ANKS1B: variants seen among roughly 807,000 people sequenced by gnomAD.
ANKS1B encodes the protein ankyrin repeat and sterile alpha motif domain-containing protein 1B.
Under a neutral mutation model 148.3 loss-of-function variants are expected in ANKS1B, and 36 were observed. The ratio of observed to expected loss-of-function variants is 0.24; its 90% confidence interval spans 0.19 to 0.32. The LOEUF is 0.32. Ranked by LOEUF, ANKS1B falls within the 10% of genes least tolerant of loss-of-function variation. The pLI, the probability that ANKS1B is intolerant of heterozygous loss-of-function variation, is 1.00. For missense variants in ANKS1B, 1,157 were observed against 1,542.6 expected, an observed-to-expected ratio of 0.75 and a Z score of 4.19; for synonymous variants, 542 against 560.8, an observed-to-expected ratio of 0.97 and a Z score of 0.47.
At chr12:99,630,849 G>C (rs1218388136) in intron 9 of ANKS1B, among the ~76,000 whole-genome samples, 1 of 152,126 alleles carries the variant, frequency 6.6e-6, no homozygotes, top group Non-Finnish European at 1.5e-5. Flanking sequence ...GATATGTTTG[G>C]CTGTCTCTCC....
chr12:99,822,592 T>C (rs1241819159), intron 2 of ANKS1B, among the ~76,000 whole-genome samples: 1 of 152,228 alleles, frequency 6.6e-6, no homozygotes. Context: ...AGCTTCTAGC[T>C]GCATCTGTTG....
chr12:99,406,862 A>G (rs1296358793), intron 11 of ANKS1B, among the ~76,000 whole-genome samples: 4 of 146,012 alleles, frequency 2.7e-5, no homozygotes, highest in Non-Finnish European at 3.0e-5. Context: ...TCAAAGGATC[A>G]TTAGAGGCTC....
intron 1 of ANKS1B, among the ~76,000 whole-genome samples, chr12:99,929,280 CT>C (rs1195602466): frequency 6.6e-6 from 1 of 152,220 alleles, no homozygotes; most frequent in East Asian, 1.9e-4. Flanking sequence ...TGTTTTTTGG[CT>C]GCATAAATGT....
chr12:99,009,660 C>T (rs1243351684), intron 17 of ANKS1B, among the ~76,000 whole-genome samples: 1 of 151,888 alleles, frequency 6.6e-6, no homozygotes, highest in Non-Finnish European at 1.5e-5. Context: ...GCAGGGTGGG[C>T]CAGGCATTCA....
chr12:98,890,463 T>A (rs1054562764), intron 17 of ANKS1B, among the ~76,000 whole-genome samples: 1 of 152,208 alleles, frequency 6.6e-6, no homozygotes, highest in Non-Finnish European at 1.5e-5. Context: ...GGTCTGCAAG[T>A]CTTTTCTGGA....
chr12:99,451,649 G>A (rs2095738861), intron 10 of ANKS1B, among the ~76,000 whole-genome samples: 2 of 152,120 alleles, frequency 1.3e-5, no homozygotes, highest in East Asian at 1.9e-4. Context: ...AAATGGAGGA[G>A]TCATACACAA....
chr12:99,497,058 T>C (rs2096611295), intron 10 of ANKS1B, among the ~76,000 whole-genome samples: 3 of 152,184 alleles, frequency 2.0e-5, no homozygotes, highest in African/African-American at 4.8e-5. Flanking sequence ...CCAAGGGGAA[T>C]TGGTTCCCAG....
chr12:98,875,300 T>A (rs2099685577), intron 17 of ANKS1B, among the ~76,000 whole-genome samples: 1 of 152,194 alleles, frequency 6.6e-6, no homozygotes, highest in Non-Finnish European at 1.5e-5. Context: ...CAGAACAATC[T>A]TTCTGGAAAG....
intron 8 of ANKS1B, among the ~76,000 whole-genome samples, chr12:99,683,771 T>C (rs752902508): frequency 1.3e-4 from 20 of 152,112 alleles, no homozygotes; most frequent in Non-Finnish European, 2.2e-4. Flanking sequence ...AAAAAGGTAA[T>C]CCACCATGAT....
At chr12:98,755,376 T>C (rs866624142) in intron 25 of ANKS1B, among the ~76,000 whole-genome samples, 11 of 152,228 alleles carry the variant, frequency 7.2e-5, no homozygotes, top group South Asian at 2.1e-4. Context: ...GAAGAGCCCA[T>C]GGTGACACCC....
intron 1 of ANKS1B, among the ~76,000 whole-genome samples, chr12:99,930,247 T>G (rs2094579553): frequency 6.6e-6 from 1 of 151,958 alleles, no homozygotes. Flanking sequence ...GGTATTTTAT[T>G]CTCTTTGAAG....
At chr12:98,957,786 T>TG (rs1293292592) in intron 17 of ANKS1B, among the ~76,000 whole-genome samples, 2 of 152,124 alleles carry the variant, frequency 1.3e-5, no homozygotes, top group Admixed American at 1.3e-4. Flanking sequence ...TAGTAGCTTG[T>TG]GGGGGACTGA....
At chr12:99,124,631 G>T (rs1441214751) in intron 15 of ANKS1B, among the ~76,000 whole-genome samples, 1 of 152,102 alleles carries the variant, frequency 6.6e-6, no homozygotes, top group Non-Finnish European at 1.5e-5. Flanking sequence ...GTAAGCCACG[G>T]GTCTGAATAA....
At chr12:99,507,931 T>C (rs1486725333) in intron 9 of ANKS1B, among the ~76,000 whole-genome samples, 6 of 151,818 alleles carry the variant, frequency 4.0e-5, no homozygotes, top group African/African-American at 1.2e-4. Context: ...ATCTTTCCAA[T>C]TTTACCCTTT....
At chr12:99,579,704 T>G (rs2153227004) in intron 9 of ANKS1B, among the ~76,000 whole-genome samples, 1 of 152,268 alleles carries the variant, frequency 6.6e-6, no homozygotes, top group Middle Eastern at 3.4e-3. Context: ...AAATGACAGA[T>G]GCTTGCAAAG....
At chr12:99,139,935 A>G (rs752250862) in intron 15 of ANKS1B, among the ~76,000 whole-genome samples, 2 of 152,226 alleles carry the variant, frequency 1.3e-5, no homozygotes, top group Non-Finnish European at 2.9e-5. Context: ...AGGATAAAAG[A>G]TGCAGATTTG....
intron 12 of ANKS1B, among the ~76,000 whole-genome samples, chr12:99,293,679 A>C (rs1397667106): frequency 2.6e-5 from 4 of 152,186 alleles, no homozygotes; most frequent in African/African-American, 9.7e-5. Context: ...AAATGGGATC[A>C]CATCAAGTTA....
Position 98,811,063 on chromosome 12 carries a change from T to C in ANKS1B, c.3067-3145A>G, listed in dbSNP as rs2099091335. Among the ~76,000 whole-genome samples, 10 of 4,268 alleles carry C rather than the reference T, an allele frequency of 2.3e-3. No individual in the cohort carries two copies. The Admixed American group carries it at 0.032, about 14-fold the overall frequency. The allele number at this position is 4,268 out of a possible 152,430, so 2.8% of individuals were successfully genotyped here. ...GGTCCCTTTCTTGTCTGGCTGTTCC[T>C]CTGGCAGCCGCACTGCTTTTCAGCT... On this transcript the variant is annotated intron_variant, in intron 19 of 26. Coordinates refer to ENST00000683438, the MANE Select transcript of ANKS1B (RefSeq NM_001352186.2).
At chr12:98,919,145 G>A (rs1471954334) in intron 17 of ANKS1B, among the ~76,000 whole-genome samples, 1 of 152,026 alleles carries the variant, frequency 6.6e-6, no homozygotes, top group Non-Finnish European at 1.5e-5. Flanking sequence ...ACTTGGCTCT[G>A]TTTCTTTTCC....
Sources: allele counts gnomAD v4.1 joint callset (sites outside exome capture counted in the v4.1 genomes callset), GRCh38; gene constraint gnomAD v4.1.1; transcripts MANE v1.5; gene names NCBI Gene and HGNC (gene_info 2026-07-23, HGNC 2026-07-21).